MYO1E: variants seen among roughly 807,000 people sequenced by gnomAD.
The protein encoded by MYO1E is myosin IE.
In MYO1E, 68 loss-of-function variants were observed where a neutral mutation model predicts 151.1. The ratio of observed to expected loss-of-function variants is 0.45; its 90% CI spans 0.37 to 0.55. The LOEUF (loss-of-function observed/expected upper bound fraction) is 0.55. Among genes scored for constraint, MYO1E ranks in the 20% least tolerant of loss-of-function variants. MYO1E has a pLI of 0.00. For synonymous variants in MYO1E, 601 were observed against 501.7 expected, an observed-to-expected ratio of 1.20 and a Z score of -2.64; for missense variants, 1,363 against 1,389.3, an observed-to-expected ratio of 0.98 and a Z score of 0.30.
intron 1 of MYO1E, among the ~76,000 whole-genome samples, chr15:59,300,850 T>G (rs1471628700): frequency 1.3e-5 from 2 of 149,998 alleles, no homozygotes; most frequent in Non-Finnish European, 2.9e-5. Flanking sequence ...ATATCTTTCT[T>G]TTTTTCCTTT....
chr15:59,207,830 C>G, intron 14 of MYO1E: 1 of 1,614,198 alleles, frequency 6.2e-7, no homozygotes, highest in Non-Finnish European at 8.5e-7. Context: ...AAAGGTTATA[C>G]TTCTTGGGCC....
chr15:59,206,813 G>C (rs2079837349), intron 14 of MYO1E: 1 of 921,550 alleles, frequency 1.1e-6, no homozygotes, highest in Admixed American at 2.8e-5. Flanking sequence ...GCAGTAGAGG[G>C]CCAGGGGGCG....
intron 4 of MYO1E, among the ~76,000 whole-genome samples, chr15:59,243,656 T>C (rs1454924857): frequency 6.6e-6 from 1 of 152,140 alleles, no homozygotes; most frequent in Non-Finnish European, 1.5e-5. Flanking sequence ...AGGAACCCCA[T>C]GAACAGCACA....
At chr15:59,174,637 C>T (rs564227041) in intron 19 of MYO1E, among the ~76,000 whole-genome samples, 13 of 152,172 alleles carry the variant, frequency 8.5e-5, no homozygotes, top group South Asian at 2.1e-4. Flanking sequence ...TTGTTTGGCG[C>T]GGCACTTCTG....
intron 5 of MYO1E, among the ~76,000 whole-genome samples, chr15:59,235,189 C>T (rs2080055044): frequency 1.3e-5 from 2 of 152,148 alleles, no homozygotes; most frequent in African/African-American, 2.4e-5. Context: ...TCTCTGTCTA[C>T]GTCCTTTAAA....
At chr15:59,148,107 T>G (rs1566964156) in intron 26 of MYO1E, among the ~76,000 whole-genome samples, 1 of 152,212 alleles carries the variant, frequency 6.6e-6, no homozygotes, top group Non-Finnish European at 1.5e-5. Context: ...TTATTTAACC[T>G]TCAAGAAAAC....
chr15:59,296,712 G>A (rs1208038727), intron 1 of MYO1E, among the ~76,000 whole-genome samples: 2 of 152,112 alleles, frequency 1.3e-5, no homozygotes, highest in East Asian at 3.8e-4. Context: ...GAGTAAAGCA[G>A]ACAACTGGGT....
intron 1 of MYO1E, among the ~76,000 whole-genome samples, chr15:59,290,639 GC>G (rs1276894110): frequency 1.3e-5 from 2 of 152,188 alleles, no homozygotes; most frequent in African/African-American, 4.8e-5. Flanking sequence ...TGACAACGGT[GC>G]CTCAGCACAA....
intron 22 of MYO1E, among the ~76,000 whole-genome samples, chr15:59,169,180 T>G (rs1183690498): frequency 6.6e-6 from 1 of 152,232 alleles, no homozygotes; most frequent in Non-Finnish European, 1.5e-5. Context: ...ATGGGATACT[T>G]TGATAAATCG....
At chr15:59,336,039 CAAA>C (rs546914345) in intron 1 of MYO1E, among the ~76,000 whole-genome samples, 2 of 114,086 alleles carry the variant, frequency 1.8e-5, no homozygotes, top group African/African-American at 3.3e-5. Context: ...AACACAAAAG[CAAA>C]AAAAAAAAAA....
At chr15:59,172,068 C>G (rs1279038713) in intron 21 of MYO1E, 26 bp from the exon 22 acceptor site, 2 of 1,611,922 alleles carry the variant, frequency 1.2e-6, no homozygotes, top group East Asian at 2.2e-5. Context: ...CTTTAAGAAG[C>G]TGGACAGGCC....
In MYO1E at chr15:59,159,174, C is replaced by T. The variant is rs1246841010; in HGVS notation, c.2786-795G>A. On this transcript the variant is annotated intron_variant, in intron 24 of 27. Coordinates refer to ENST00000288235, the MANE Select transcript of MYO1E (RefSeq NM_004998.4). This position sits in a 1 kb window ranked among gnomAD's most constrained non-coding sequence, Gnocchi z 4.4. Reference sequence around the variant, plus strand: ...GCACAGTGCAAACACAGCAAAGGAGCTGCAGCTCTAGGGCCTGGGAGAACC... The same window carrying T: ...GCACAGTGCAAACACAGCAAAGGAGTTGCAGCTCTAGGGCCTGGGAGAACC... Among the ~76,000 whole-genome samples, 1 of 152,192 alleles carries T rather than the reference C, an allele frequency of 6.6e-6. No homozygotes were observed. Among genetic ancestry groups the T allele is most frequent in the Non-Finnish European group, 1.5e-5 (1 of 68,032 alleles).
chr15:59,219,426 T>C (rs566487702), intron 9 of MYO1E, among the ~76,000 whole-genome samples: 3 of 152,362 alleles, frequency 2.0e-5, no homozygotes, highest in East Asian at 3.9e-4. Context: ...AAAGGCCTTA[T>C]GATAATGCTA....
chr15:59,280,039 A>G (rs1311606227), intron 1 of MYO1E, among the ~76,000 whole-genome samples: 1 of 152,192 alleles, frequency 6.6e-6, no homozygotes, highest in Non-Finnish European at 1.5e-5. Context: ...GAAATATATA[A>G]ATGTCTGACA....
chr15:59,245,967 T>C (rs2080127496), intron 4 of MYO1E, among the ~76,000 whole-genome samples: 1 of 152,206 alleles, frequency 6.6e-6, no homozygotes, highest in Non-Finnish European at 1.5e-5. Flanking sequence ...GTATCACATA[T>C]GTGGTTTTAA....
chr15:59,139,471 CATT>C (rs1346422779), intron 26 of MYO1E, among the ~76,000 whole-genome samples: 7 of 143,522 alleles, frequency 4.9e-5, no homozygotes, highest in African/African-American at 1.9e-4. Context: ...TTCACCCGCT[CATT>C]ACTCTGCAGA....
chr15:59,223,876 G>A (rs1032254555), intron 8 of MYO1E, among the ~76,000 whole-genome samples: 21 of 152,102 alleles, frequency 1.4e-4, no homozygotes, highest in African/African-American at 4.6e-4. Flanking sequence ...ACTTTTCCCC[G>A]CAGCTGCTTT....
At chr15:59,243,099 C>CTTTTTT (rs3985715) in intron 4 of MYO1E, among the ~76,000 whole-genome samples, 12 of 133,436 alleles carry the variant, frequency 9.0e-5, no homozygotes, top group African/African-American at 1.9e-4. Context: ...TTAGACCCTG[C>CTTTTTT]TTTTTTTTTT....
At chr15:59,346,329 G>A (rs908633753) in intron 1 of MYO1E, among the ~76,000 whole-genome samples, 5 of 152,104 alleles carry the variant, frequency 3.3e-5, no homozygotes, top group Admixed American at 6.5e-5. Flanking sequence ...AAGAGCCTAC[G>A]AATGACGGCC....
Sources: allele counts gnomAD v4.1 joint callset (sites outside exome capture counted in the v4.1 genomes callset), GRCh38; gene constraint gnomAD v4.1.1; non-coding constraint Gnocchi (gnomAD v3.1); transcripts MANE v1.5; gene names NCBI Gene and HGNC (gene_info 2026-07-23, HGNC 2026-07-21).